Variants in UBE3C observed in about 807,000 individuals in gnomAD.
UBE3C encodes the protein ubiquitin protein ligase E3C.
Under a neutral mutation model 129.4 loss-of-function variants are expected in UBE3C, and 42 were observed. The observed-to-expected ratio is 0.32, with a 90% confidence interval of 0.25 to 0.42. UBE3C has a LOEUF of 0.42. UBE3C is among the 10% of genes least tolerant of loss of function. UBE3C has a pLI of 1.00. For synonymous variants in UBE3C, 510 were observed against 492.4 expected, an observed-to-expected ratio of 1.04 and a Z score of -0.47; for missense variants, 1,049 against 1,319.1, an observed-to-expected ratio of 0.80 and a Z score of 3.17.
intron 4 of UBE3C, among the ~76,000 whole-genome samples, chr7:157,172,734 G>A (rs1180158801): frequency 6.6e-6 from 1 of 152,182 alleles, no homozygotes; most frequent in African/African-American, 2.4e-5. Flanking sequence ...TAGTACAACG[G>A]CAGATAATCG....
At chr7:157,223,689 C>T (rs573052928) in intron 16 of UBE3C, among the ~76,000 whole-genome samples, 18 of 152,136 alleles carry the variant, frequency 1.2e-4, no homozygotes, top group African/African-American at 4.1e-4. Context: ...TTTGGGAGGC[C>T]GAGGCAGGTG....
chr7:157,211,897 A>AC (rs1809606969), intron 13 of UBE3C, among the ~76,000 whole-genome samples: 1 of 152,196 alleles, frequency 6.6e-6, no homozygotes, highest in African/African-American at 2.4e-5. Context: ...ACAGCAAACC[A>AC]CAGAGGCCGG....
rs115942355 is a variant in UBE3C at position 157,204,993 on chromosome 7, C to T, written c.1419-2405C>T. The stretch of plus-strand genomic sequence containing the variant: ...GATCTAGACAGAGGTTAGGGATTGC[C>T]TCGGGTCTCACTGATGGTCAGTAAT... On this transcript the variant is annotated intron_variant, in intron 11 of 22. Transcript: ENST00000348165. Among the ~76,000 whole-genome samples the T allele has an allele frequency of 4.5e-3, 683 of 152,296 alleles. 5 individuals carry two copies. Among genetic ancestry groups the T allele is most frequent in the African/African-American group, 0.016 (648 of 41,558 alleles).
chr7:157,167,088 C>T (rs1808237623), intron 2 of UBE3C, among the ~76,000 whole-genome samples: 1 of 152,086 alleles, frequency 6.6e-6, no homozygotes, highest in Non-Finnish European at 1.5e-5. Flanking sequence ...CACCACCATG[C>T]CCAGCTAATT....
chr7:157,218,320 C>T (rs934536228), intron 14 of UBE3C, among the ~76,000 whole-genome samples: 1 of 151,920 alleles, frequency 6.6e-6, no homozygotes, highest in Admixed American at 6.6e-5. Context: ...TGGTGTGCGC[C>T]TATAGTCCCA....
intron 17 of UBE3C, among the ~76,000 whole-genome samples, chr7:157,229,097 T>A (rs1795953615): frequency 6.6e-6 from 1 of 152,196 alleles, no homozygotes; most frequent in Non-Finnish European, 1.5e-5. Flanking sequence ...GAATGTACAC[T>A]ACGTGCGGTT....
intron 6 of UBE3C, among the ~76,000 whole-genome samples, chr7:157,180,120 C>T (rs549595395): frequency 2.0e-5 from 3 of 152,314 alleles, no homozygotes; most frequent in East Asian, 1.9e-4. Flanking sequence ...GAAACTGCCG[C>T]TTCTAGCATC....
intron 1 of UBE3C, among the ~76,000 whole-genome samples, chr7:157,155,682 A>G (rs1371999531): frequency 6.6e-6 from 1 of 152,186 alleles, no homozygotes; most frequent in East Asian, 1.9e-4. Context: ...TTTTCCCCCC[A>G]TTTGAAATCA....
intron 2 of UBE3C, among the ~76,000 whole-genome samples, chr7:157,167,577 A>C (rs1186270724): frequency 6.6e-6 from 1 of 150,870 alleles, no homozygotes; most frequent in Admixed American, 6.6e-5. Flanking sequence ...TCACTCTGTC[A>C]CCCAGGCTGG....
chr7:157,187,962 G>C (rs1808857614), intron 10 of UBE3C, among the ~76,000 whole-genome samples: 1 of 151,984 alleles, frequency 6.6e-6, no homozygotes, highest in Non-Finnish European at 1.5e-5. Flanking sequence ...ATAAACTTTT[G>C]GTTCAGACAA....
chr7:157,189,705 T>A (rs950760010), intron 10 of UBE3C, among the ~76,000 whole-genome samples: 1 of 152,198 alleles, frequency 6.6e-6, no homozygotes, highest in Non-Finnish European at 1.5e-5. Flanking sequence ...CATATTCATG[T>A]GATTTTTCCT....
intron 15 of UBE3C, 179 bp from the exon 16 acceptor site, chr7:157,223,075 G>A: frequency 1.7e-6 from 1 of 590,102 alleles, no homozygotes; most frequent in Non-Finnish European, 3.1e-6. Context: ...GAGCTACTGT[G>A]CTGATCCTGC....
chr7:157,183,459 T>C (rs1457840718), intron 8 of UBE3C, among the ~76,000 whole-genome samples: 1 of 152,152 alleles, frequency 6.6e-6, no homozygotes, highest in Non-Finnish European at 1.5e-5. Flanking sequence ...TCATTGTGTC[T>C]TCCTGTTGAG....
intron 19 of UBE3C, among the ~76,000 whole-genome samples, chr7:157,248,888 G>A (rs1240481378): frequency 6.6e-6 from 1 of 152,112 alleles, no homozygotes; most frequent in Admixed American, 6.6e-5. Context: ...GGGGGTGGCC[G>A]TTCAGCAGCT....
intron 14 of UBE3C, among the ~76,000 whole-genome samples, chr7:157,218,499 C>G (rs1049145009): frequency 1.3e-5 from 2 of 151,680 alleles, no homozygotes; most frequent in Non-Finnish European, 2.9e-5. Context: ...GGAGAGAAAA[C>G]AGGAGTGTTT....
chr7:157,256,331 C>T (rs1271227156), intron 21 of UBE3C, among the ~76,000 whole-genome samples: 2 of 152,030 alleles, frequency 1.3e-5, no homozygotes, highest in Non-Finnish European at 2.9e-5. Flanking sequence ...TTGGTAGAGA[C>T]AGGGTTTCAC....
At chr7:157,174,280 C>G (rs1203824274) in intron 4 of UBE3C, among the ~76,000 whole-genome samples, 3 of 151,956 alleles carry the variant, frequency 2.0e-5, no homozygotes, top group Non-Finnish European at 4.4e-5. Flanking sequence ...GAGACTTATG[C>G]CTAATATATG....
chr7:157,254,333 T>A, intron 21 of UBE3C, 23 bp downstream of exon 21: 1 of 1,409,598 alleles, frequency 7.1e-7, no homozygotes, highest in Admixed American at 2.5e-5. Context: ...TGCTAGTTAT[T>A]GTTTCTGAAA....
chr7:157,198,779 C>T (rs951515460), intron 10 of UBE3C, among the ~76,000 whole-genome samples: 10 of 152,182 alleles, frequency 6.6e-5, no homozygotes, highest in Non-Finnish European at 1.5e-4. Context: ...AGGTGGTTAC[C>T]CACCTTGGCC....
Sources: gnomAD v4.1 joint callset for allele counts (sites outside exome capture counted in the v4.1 genomes callset) on GRCh38, gnomAD v4.1.1 for gene constraint, MANE v1.5 for transcripts, NCBI Gene and HGNC (gene_info 2026-07-23, HGNC 2026-07-21) for gene names.